The following ABHD12 variants were observed in gnomAD, a reference collection of about 807,000 sequenced individuals.
The protein encoded by ABHD12 is lysophosphatidylserine lipase ABHD12.
Under a neutral mutation model 58.3 loss-of-function variants are expected in ABHD12, and 43 were observed. The observed-to-expected ratio is 0.74, with a 90% CI of 0.58 to 0.95. ABHD12 has a LOEUF of 0.95. Ranked by LOEUF, ABHD12 falls within the 40% of genes least tolerant of loss-of-function variation. The pLI is 0.00. For synonymous variants in ABHD12, 219 were observed against 211.2 expected (o/e 1.04, Z -0.32); for missense variants, 539 against 537.2 (o/e 1.00, Z -0.03).
chr20:25,309,351 G>T, intron 7 of ABHD12, 95 bp downstream of exon 7: 1 of 1,582,064 alleles, frequency 6.3e-7, no homozygotes, highest in Admixed American at 1.7e-5. Context: ...GGTGCCACAG[G>T]GTTTGCAGGG....
intron 1 of ABHD12, among the ~76,000 whole-genome samples, chr20:25,352,694 T>C (rs568233130): frequency 6.6e-6 from 1 of 152,338 alleles, no homozygotes; most frequent in African/African-American, 2.4e-5. Flanking sequence ...AAAGCGTATC[T>C]ATTTATTGTA....
chr20:25,360,485 C>T (rs556136528), intron 1 of ABHD12, among the ~76,000 whole-genome samples: 19 of 152,062 alleles, frequency 1.2e-4, no homozygotes, highest in East Asian at 1.2e-3. Flanking sequence ...GTGATCTACC[C>T]GCCTTGGCCT....
intron 11 of ABHD12, 45 bp from the exon 12 acceptor site, chr20:25,302,391 G>T: frequency 6.2e-7 from 1 of 1,610,190 alleles, no homozygotes; most frequent in South Asian, 1.1e-5. Flanking sequence ...CCTGGCATGG[G>T]GGTCCCAGCC....
At chr20:25,355,653 G>T (rs557758293) in intron 1 of ABHD12, among the ~76,000 whole-genome samples, 1 of 152,226 alleles carries the variant, frequency 6.6e-6, no homozygotes, top group East Asian at 1.9e-4. Context: ...CCGCCTCCCG[G>T]GTTCAAGCCA....
At chr20:25,348,851 GAT>G (rs2146057327) in intron 1 of ABHD12, among the ~76,000 whole-genome samples, 1 of 152,226 alleles carries the variant, frequency 6.6e-6, no homozygotes, top group African/African-American at 2.4e-5. Context: ...GGGAGGCCGA[GAT>G]GGGCGGATCA....
intron 1 of ABHD12, among the ~76,000 whole-genome samples, chr20:25,347,577 C>T (rs1221122063): frequency 6.6e-6 from 1 of 152,060 alleles, no homozygotes; most frequent in Non-Finnish European, 1.5e-5. Context: ...GTAATCCCAG[C>T]ACTTTGAGTG....
rs187420823 is a variant in ABHD12 at position 25,348,685 on chromosome 20, T to C, written c.192-9334A>G. Reference sequence around the variant, plus strand: ...TCAAATTGTGCGGAAAAAAACTAATTAAACCTTTCTCCAAAGGAGGTATTA... The same window carrying C: ...TCAAATTGTGCGGAAAAAAACTAATCAAACCTTTCTCCAAAGGAGGTATTA... On this transcript the variant is annotated intron_variant, in intron 1 of 12. Transcript: ENST00000339157. 3.4e-3 allele frequency among the ~76,000 whole-genome samples: 516 copies of C among 152,068 alleles called. 4 individuals carry two copies. The highest frequency in any genetic ancestry group is 0.012 in the African/African-American group (497 of 41,478).
intron 2 of ABHD12, among the ~76,000 whole-genome samples, chr20:25,325,480 T>C (rs1453141087): frequency 3.9e-5 from 6 of 152,304 alleles, no homozygotes; most frequent in Non-Finnish European, 8.8e-5. Flanking sequence ...ACTGGGTGGA[T>C]ACTAACCCAA....
intron 1 of ABHD12, among the ~76,000 whole-genome samples, chr20:25,350,736 G>A (rs2089586800): frequency 1.3e-5 from 2 of 152,096 alleles, no homozygotes; most frequent in African/African-American, 2.4e-5. Context: ...ACCCCCTTTG[G>A]GGATCCCAGA....
chr20:25,379,154 G>A (rs761879039), intron 1 of ABHD12, among the ~76,000 whole-genome samples: 6 of 152,154 alleles, frequency 3.9e-5, no homozygotes, highest in Admixed American at 1.3e-4. Flanking sequence ...CAGGGACCCC[G>A]TGCAGGCTTC....
chr20:25,300,467 G>A lies in ABHD12; in HGVS notation c.*378C>T. 3.3e-6 allele frequency: 4 copies of A among 1,225,896 alleles called. No individual in the cohort carries two copies. The highest frequency in any genetic ancestry group is 4.1e-6 in the Non-Finnish European group (4 of 969,042). The allele number at this position is 1,225,896 out of a possible 1,614,324, so 75.9% of individuals were successfully genotyped here. A position where few individuals can be genotyped will look rare whatever the true frequency, so the allele number is the denominator to read the frequency against. The stretch of plus-strand genomic sequence containing the variant: ...CCTGGACCCCACGTTCTCTGTGGGT[G>A]GTGCCAAAAAGCTCAGCATGGTCCC... On this transcript the variant is annotated 3_prime_UTR_variant, in exon 13 of 13. Coordinates refer to ENST00000339157, the MANE Select transcript of ABHD12 (RefSeq NM_001042472.3).
At chr20:25,357,719 A>G (rs1381247505) in intron 1 of ABHD12, among the ~76,000 whole-genome samples, 1 of 152,198 alleles carries the variant, frequency 6.6e-6, no homozygotes, top group Non-Finnish European at 1.5e-5. Context: ...TCATAATAAT[A>G]TCACCTAATG....
At chr20:25,308,138 G>C in intron 8 of ABHD12, 93 bp from the exon 9 acceptor site, 1 of 906,550 alleles carries the variant, frequency 1.1e-6, no homozygotes, top group Non-Finnish European at 1.8e-6. Context: ...GAAAGCACAA[G>C]GAGACCACAG....
chr20:25,364,712 C>CACTAAATTAAGATG (rs1430816290), intron 1 of ABHD12, among the ~76,000 whole-genome samples: 8 of 152,198 alleles, frequency 5.3e-5, no homozygotes, highest in African/African-American at 1.9e-4. Context: ...ATTAAGATGA[C>CACTAAATTAAGATG]ACATAGAAAT....
intron 2 of ABHD12, among the ~76,000 whole-genome samples, chr20:25,331,717 T>C (rs2089279888): frequency 6.6e-6 from 1 of 150,962 alleles, no homozygotes; most frequent in South Asian, 2.1e-4. Context: ...GCTTCATAAG[T>C]GAAGGAAAAA....
At chr20:25,311,599 TGGTCTGAGGATAGACAC>T (rs2088850371) in intron 6 of ABHD12, among the ~76,000 whole-genome samples, 1 of 152,222 alleles carries the variant, frequency 6.6e-6, no homozygotes. Flanking sequence ...TATCTCCTCT[TGGTCTGAGGATAGACAC>T]GCCACCTGCC....
In ABHD12 at chr20:25,300,702, G is replaced by A; in HGVS notation, c.*143C>T. On this transcript the variant is annotated 3_prime_UTR_variant, in exon 13 of 13. Coordinates refer to ENST00000339157, the MANE Select transcript of ABHD12 (RefSeq NM_001042472.3). ...AGGCCTGCAGGGGCCTCCCCGCCTG[G>A]GATCTGAGGTGCTCTCCAGGTGCGA... 6.5e-7 allele frequency: 1 copy of A among 1,548,860 alleles called. No individual in the cohort carries two copies. Among genetic ancestry groups the A allele is most frequent in the South Asian group, 1.2e-5 (1 of 85,054 alleles).
At chr20:25,303,687 C>G (rs537604564) in intron 10 of ABHD12, 59 bp from the exon 11 acceptor site, 28 of 1,607,512 alleles carry the variant, frequency 1.7e-5, no homozygotes, top group Middle Eastern at 1.7e-4. Context: ...TGCCCAGACC[C>G]TCTGTCCATG....
At chr20:25,360,657 TGA>T (rs1412873964) in intron 1 of ABHD12, among the ~76,000 whole-genome samples, 1 of 152,166 alleles carries the variant, frequency 6.6e-6, no homozygotes, top group Non-Finnish European at 1.5e-5. Context: ...GTGGTCAGAA[TGA>T]GAGGAGAGAC....
Sources: gnomAD v4.1 joint callset for allele counts (sites outside exome capture counted in the v4.1 genomes callset) on GRCh38, gnomAD v4.1.1 for gene constraint, MANE v1.5 for transcripts, NCBI Gene and HGNC (gene_info 2026-07-23, HGNC 2026-07-21) for gene names.